PLXNA1: variants seen among roughly 807,000 people sequenced by gnomAD.
PLXNA1 encodes the protein plexin-A1.
Under a neutral mutation model 191.7 loss-of-function variants are expected in PLXNA1, and 77 were observed. The observed-to-expected ratio is 0.40, with a 90% confidence interval of 0.33 to 0.49. The LOEUF (loss-of-function observed/expected upper bound fraction) is 0.49. PLXNA1 is among the 20% of genes least tolerant of loss of function. The pLI is 0.63. For missense variants in PLXNA1, 2,110 were observed against 2,660.2 expected (o/e 0.79, Z 4.55); for synonymous variants, 1,137 against 1,156.4 (o/e 0.98, Z 0.34).
In PLXNA1 at chr3:127,018,417, G is replaced by T; in HGVS notation, c.3784G>T (p.Ala1262Ser). 6.2e-7 allele frequency: 1 copy of T among 1,613,060 alleles called. No homozygotes were observed. The highest frequency in any genetic ancestry group is 8.5e-7 in the Non-Finnish European group (1 of 1,179,998). The change falls in exon 20 of 32, where the codon GCT (alanine) becomes TCT (serine). Residue 1262 changes from alanine to serine, a missense_variant. Ala to Ser is a moderately conservative substitution (Grantham distance 99). This residue lies in a region of PLXNA1 where 559 missense variants were observed against 911.5 expected (regional missense o/e 0.61). Coordinates refer to ENST00000393409, the MANE Select transcript of PLXNA1 (RefSeq NM_032242.4). ...GGGLLLLVIV[A>S]VLIAYKRKSR... is the part of the protein sequence containing the mutation. ...GGGTCTCCTGCTGCTGGTCATCGTG[G>T]CTGTGCTCATCGCCTACAAGCGCAA... is the stretch of plus-strand genomic sequence containing the variant.
intron 10 of PLXNA1, among the ~76,000 whole-genome samples, chr3:127,013,566 T>C (rs1270867575): frequency 6.6e-6 from 1 of 152,108 alleles, no homozygotes; most frequent in Non-Finnish European, 1.5e-5. Flanking sequence ...CACCTGACAG[T>C]GATTTTGCCT....
chr3:126,999,188 A>G (rs1559956018), intron 3 of PLXNA1, among the ~76,000 whole-genome samples: 1 of 152,126 alleles, frequency 6.6e-6, no homozygotes, highest in Non-Finnish European at 1.5e-5. Context: ...AAGAGAGGGC[A>G]GCAGAGGCTC....
At chr3:127,024,181 C>T (rs959653135) in intron 23 of PLXNA1, among the ~76,000 whole-genome samples, 4 of 152,144 alleles carry the variant, frequency 2.6e-5, no homozygotes, top group Admixed American at 2.6e-4. Flanking sequence ...ACCTGAGTCC[C>T]TGTCTGATCC....
At chr3:126,997,306 T>A (rs2107623748) in intron 3 of PLXNA1, among the ~76,000 whole-genome samples, 1 of 152,300 alleles carries the variant, frequency 6.6e-6, no homozygotes, top group East Asian at 1.9e-4. Flanking sequence ...GAGCCTCTGT[T>A]GTTGTTCTGC....
Position 126,998,074 on chromosome 3 carries a change from G to T in PLXNA1, c.1378-5256G>T, listed in dbSNP as rs568713168. ...TGGGTATGGAGGCTGGAACAACCCA[G>T]GGGACTGGGTGGTCTGCTGGAAGGG... On this transcript the variant is annotated intron_variant, in intron 3 of 31. Transcript: ENST00000393409. Among the ~76,000 whole-genome samples, 118 of 152,336 alleles carry T rather than the reference G, an allele frequency of 7.7e-4. No individual in the cohort carries two copies. In the South Asian group the frequency reaches 0.023, roughly 30 times the overall value.
At chr3:126,999,927 C>T (rs897956383) in intron 3 of PLXNA1, among the ~76,000 whole-genome samples, 8 of 152,032 alleles carry the variant, frequency 5.3e-5, no homozygotes, top group African/African-American at 1.7e-4. Context: ...AGGGTCGACT[C>T]GCCCGTGTGC....
At chr3:126,999,442 A>G (rs899225812) in intron 3 of PLXNA1, among the ~76,000 whole-genome samples, 1 of 152,086 alleles carries the variant, frequency 6.6e-6, no homozygotes, top group Non-Finnish European at 1.5e-5. Context: ...GGCTGCCATC[A>G]TGGGGCAGGC....
intron 3 of PLXNA1, among the ~76,000 whole-genome samples, chr3:126,997,655 G>T (rs544805761): frequency 6.6e-6 from 1 of 152,360 alleles, no homozygotes; most frequent in South Asian, 2.1e-4. Flanking sequence ...GGATGTAGTT[G>T]GCCACTGTGG....
chr3:127,020,616 A>C (rs1164951054), intron 21 of PLXNA1, among the ~76,000 whole-genome samples: 1 of 152,214 alleles, frequency 6.6e-6, no homozygotes, highest in East Asian at 1.9e-4. Context: ...TCCAGAGGGC[A>C]GGAGGAGGCT....
intron 3 of PLXNA1, among the ~76,000 whole-genome samples, chr3:127,001,604 C>G (rs115323895): frequency 6.6e-6 from 1 of 152,216 alleles, no homozygotes; most frequent in Non-Finnish European, 1.5e-5. Context: ...CGCAGGTCTG[C>G]GCACTGGGCA....
chr3:127,014,261 G>A lies in PLXNA1; in HGVS notation c.2490G>A (p.Trp830Ter), dbSNP rs2079110348. The change falls in exon 12 of 32, where the codon TGG becomes TGA. Residue 830 changes from tryptophan (W) to a stop codon, truncating the protein, a stop_gained. Transcript: ENST00000393409. LOFTEE classifies it high-confidence loss of function. ...CCGACCCGCGCTTCGAGTGCGGATG[G>A]TGCGTGGCCGAGCGCCGCTGCTCCC... ...LKADPRFECG[W>*]CVAERRCSLR... The A allele has an allele frequency of 6.3e-7, 1 of 1,598,880 alleles. No individual in the cohort carries two copies. Among genetic ancestry groups the A allele is most frequent in the African/African-American group, 1.3e-5 (1 of 74,682 alleles).
intron 10 of PLXNA1, among the ~76,000 whole-genome samples, chr3:127,012,395 G>C (rs1305734397): frequency 5.3e-5 from 8 of 152,268 alleles, no homozygotes; most frequent in African/African-American, 1.4e-4. Flanking sequence ...TAGCTGCTGA[G>C]AGCACCCAGT....
Position 127,007,797 on chromosome 3 carries a change from A to C in PLXNA1, c.1998-2A>C. ...GCTTCAGCACCCACCCTCTCCCTGC[A>C]GCTGCCTGTCCTGTGTCAACGGCTC... On this transcript the variant is annotated splice_acceptor_variant, in intron 8 of 31. Transcript: ENST00000393409. LOFTEE classifies it high-confidence loss of function. 6.2e-7 allele frequency: 1 copy of C among 1,605,814 alleles called. No individual in the cohort carries two copies. The highest frequency in any genetic ancestry group is 8.5e-7 in the Non-Finnish European group (1 of 1,174,018).
rs2079145772 is a variant in PLXNA1 at position 127,020,248 on chromosome 3, G to C, written c.3942G>C (p.Leu1314=). 6.2e-7 allele frequency: 1 copy of C among 1,613,128 alleles called. No homozygotes were observed. The highest frequency in any genetic ancestry group is 1.3e-5 in the African/African-American group (1 of 74,936). ...QTDIHELTND[L]DGAGIPFLDY... is the part of the protein sequence containing the mutation. ...ACATCCACGAGCTGACCAATGACCT[G>C]GACGGTGCCGGCATCCCCTTCCTTG... The change falls in exon 21 of 32, where the codon CTG becomes CTC. Residue 1314 remains leucine (L), a synonymous_variant. Transcript: ENST00000393409.
rs550666689 is a variant in PLXNA1 at position 127,034,178 on chromosome 3, G to A, written c.*161G>A. The A allele has an allele frequency of 9.9e-5, 61 of 615,566 alleles. No individual in the cohort carries two copies. Among genetic ancestry groups the A allele is most frequent in the Non-Finnish European group, 1.4e-4 (50 of 350,976 alleles). The allele number at this position is 615,566 out of a possible 1,614,324, so 38.1% of individuals were successfully genotyped here. A position where few individuals can be genotyped will look rare whatever the true frequency, so the allele number is the denominator to read the frequency against. On this transcript the variant is annotated 3_prime_UTR_variant, in exon 32 of 32. Coordinates refer to ENST00000393409, the MANE Select transcript of PLXNA1 (RefSeq NM_032242.4). ...CCCCTGCCTCACCCGGTCGGGTCCC[G>A]GCTCTTCCTGTGTGGAGGTGATGGT...
chr3:127,037,234 C>A lies in PLXNA1; in HGVS notation c.*3217C>A, dbSNP rs182484434. 6.6e-6 allele frequency: 1 copy of A among 152,656 alleles called. No individual in the cohort carries two copies. Among genetic ancestry groups the A allele is most frequent in the Admixed American group, 6.5e-5 (1 of 15,294 alleles). 9.5% of individuals were successfully genotyped at this position (152,656 alleles called of 1,614,324 possible). A position where few individuals can be genotyped will look rare whatever the true frequency, so the allele number is the denominator to read the frequency against. ...ATCCCTCGGACGGTCCGGGCGGGCA[C>A]CCTCAGCCGGGCTCTTTGCAGAAGC... On this transcript the variant is annotated 3_prime_UTR_variant, in exon 32 of 32. Transcript: ENST00000393409.
rs2079231657 is a variant in PLXNA1 at position 127,034,809 on chromosome 3, C to T, written c.*792C>T. On this transcript the variant is annotated 3_prime_UTR_variant, in exon 32 of 32. Coordinates refer to ENST00000393409, the MANE Select transcript of PLXNA1 (RefSeq NM_032242.4). Reference sequence around the variant, plus strand: ...AGCCACTGGGCCAGGGGCCCCGGGTCGCAGAGAGCACGTTCCCGTTATTTA... The same window carrying T: ...AGCCACTGGGCCAGGGGCCCCGGGTTGCAGAGAGCACGTTCCCGTTATTTA... 6.6e-6 allele frequency: 1 copy of T among 152,656 alleles called. No individual in the cohort carries two copies. The highest frequency in any genetic ancestry group is 6.5e-5 in the Admixed American group (1 of 15,288). The allele number at this position is 152,656 out of a possible 1,614,324, so 9.5% of individuals were successfully genotyped here.
chr3:126,995,476 C>G (rs1390901019), intron 3 of PLXNA1, among the ~76,000 whole-genome samples: 2 of 152,244 alleles, frequency 1.3e-5, no homozygotes, highest in African/African-American at 4.8e-5. Context: ...GAGAGCCTTG[C>G]CCTGTGGGCC....
rs571589207 is a variant in PLXNA1, at chr3:127,017,658, C to T, written c.3510C>T (p.Ile1170=). ...LLELKPSSPL[I]LKGRNLLPPA... ...AGCTGAAGCCCAGCTCCCCACTCAT[C>T]CTCAAGGTGGGTCACCATTGCCCGT... Residue 1170 remains isoleucine, a synonymous_variant, in exon 18 of 32, where the codon ATC becomes ATT. Transcript: ENST00000393409. 6.2e-7 allele frequency: 1 copy of T among 1,613,314 alleles called. No homozygotes were observed. Among genetic ancestry groups the T allele is most frequent in the Non-Finnish European group, 8.5e-7 (1 of 1,180,000 alleles).
Sources: gnomAD v4.1 joint callset for allele counts (sites outside exome capture counted in the v4.1 genomes callset) on GRCh38, gnomAD v4.1.1 for gene constraint, gnomAD v4.1.1 regional missense constraint, MANE v1.5 for transcripts, NCBI Gene and HGNC (gene_info 2026-07-23, HGNC 2026-07-21) for gene names.